NLGN1: variants seen among roughly 807,000 people sequenced by gnomAD.
NLGN1 encodes the protein neuroligin-1.
Under a neutral mutation model 65.5 loss-of-function variants are expected in NLGN1, and 12 were observed. The ratio of observed to expected loss-of-function variants is 0.18; its 90% CI spans 0.12 to 0.30. The LOEUF (loss-of-function observed/expected upper bound fraction) is 0.30. NLGN1 is among the 10% of genes least tolerant of loss of function. NLGN1 has a pLI of 1.00. For missense variants in NLGN1, 750 were observed against 1,007.1 expected (o/e 0.74, Z 3.46); for synonymous variants, 350 against 359.5 (o/e 0.97, Z 0.30).
chr3:173,570,972 G>A (rs1336516021), intron 2 of NLGN1, among the ~76,000 whole-genome samples: 2 of 152,132 alleles, frequency 1.3e-5, no homozygotes, highest in African/African-American at 4.8e-5. Context: ...AAAGTGCTGG[G>A]ATTACAGGCC....
intron 3 of NLGN1, among the ~76,000 whole-genome samples, chr3:173,679,701 T>C (rs1763688464): frequency 6.6e-6 from 1 of 152,142 alleles, no homozygotes; most frequent in Admixed American, 6.5e-5. Context: ...AAAGACTTTT[T>C]CAAGAGTGAG....
intron 3 of NLGN1, among the ~76,000 whole-genome samples, chr3:173,788,313 T>G (rs960388103): frequency 6.6e-6 from 1 of 151,046 alleles, no homozygotes; most frequent in African/African-American, 2.4e-5. Context: ...GGATAAAAAA[T>G]TTATTAAATA....
chr3:174,270,123 T>C (rs1409771781), intron 4 of NLGN1, among the ~76,000 whole-genome samples: 1 of 95,334 alleles, frequency 1.0e-5, no homozygotes, highest in African/African-American at 4.6e-5. Context: ...TTGGTTTCCT[T>C]TCTTTTTTTT....
chr3:173,616,969 T>C lies in NLGN1; in HGVS notation c.493+11878T>C, dbSNP rs550088072. Among the ~76,000 whole-genome samples, 7 of 152,312 alleles carry C rather than the reference T, an allele frequency of 4.6e-5. No individual in the cohort carries two copies. The South Asian group carries it at 1.4e-3, about 32-fold the overall frequency. ...TACGTAGTAACTCTTGTCTGCCGTTTCAATCTCCTTCTGTATATTTCTCCC... is the reference window on the plus strand; with the variant it reads ...TACGTAGTAACTCTTGTCTGCCGTTCCAATCTCCTTCTGTATATTTCTCCC... On this transcript the variant is annotated intron_variant, in intron 3 of 6. Coordinates refer to ENST00000457714, the Ensembl canonical transcript of NLGN1.
At position 174,281,030 on chromosome 3, in the gene NLGN1, C is replaced by G. The variant is rs780653081; in HGVS notation, c.2199C>G (p.Leu733=). The G allele has an allele frequency of 3.1e-6, 5 of 1,613,338 alleles. No homozygotes were observed. In the East Asian group the frequency reaches 1.1e-4, roughly 36 times the overall value. ...CACAAGAAGAGGAAATCATGTCCCT[C>G]CAAATGAAGCACACTGATTTGGATC... The change falls in exon 7 of 7, where the codon CTC becomes CTG. Residue 733 remains leucine (L), a synonymous_variant. Coordinates refer to ENST00000457714, the Ensembl canonical transcript of NLGN1.
intron 1 of NLGN1, among the ~76,000 whole-genome samples, chr3:173,405,771 C>T (rs1436149153): frequency 2.0e-5 from 3 of 152,038 alleles, no homozygotes; most frequent in African/African-American, 7.2e-5. Flanking sequence ...GTCTGGGGAG[C>T]AGACTCTTCT....
chr3:173,719,005 T>C (rs1232385577), intron 3 of NLGN1, among the ~76,000 whole-genome samples: 1 of 152,202 alleles, frequency 6.6e-6, no homozygotes, highest in Non-Finnish European at 1.5e-5. Context: ...GCCATTTTCC[T>C]TGCCCCCAAA....
chr3:174,281,164 C>G, exon 7 of NLGN1: 3 of 1,613,198 alleles, frequency 1.9e-6, no homozygotes, highest in Non-Finnish European at 2.5e-6. Flanking sequence ...TTAATGACAC[C>G]CAACACCATT....
chr3:174,219,462 A>G (rs1738238841), intron 4 of NLGN1, among the ~76,000 whole-genome samples: 1 of 152,140 alleles, frequency 6.6e-6, no homozygotes, highest in East Asian at 1.9e-4. Context: ...GTTGCTTGCT[A>G]AGGCAGATTA....
At chr3:173,874,803 G>A (rs1731817545) in intron 4 of NLGN1, among the ~76,000 whole-genome samples, 1 of 152,254 alleles carries the variant, frequency 6.6e-6, no homozygotes. Context: ...AATTTGCACA[G>A]ATCTATTCTA....
At chr3:173,965,565 G>A (rs988953998) in intron 4 of NLGN1, among the ~76,000 whole-genome samples, 9 of 147,420 alleles carry the variant, frequency 6.1e-5, no homozygotes, top group Admixed American at 2.7e-4. Context: ...TGATCCACCC[G>A]CCTCAGCTTC....
At chr3:173,793,573 G>T (rs1713284883) in intron 3 of NLGN1, among the ~76,000 whole-genome samples, 1 of 152,074 alleles carries the variant, frequency 6.6e-6, no homozygotes, top group African/African-American at 2.4e-5. Context: ...CAGGCAAAGT[G>T]AATTTAACTT....
At chr3:173,887,543 A>G (rs556917782) in intron 4 of NLGN1, among the ~76,000 whole-genome samples, 4 of 152,104 alleles carry the variant, frequency 2.6e-5, no homozygotes, top group South Asian at 4.1e-4. Context: ...AAAATTTTGA[A>G]AACTTTAAGT....
chr3:174,120,687 G>A (rs1000999896), intron 4 of NLGN1, among the ~76,000 whole-genome samples: 1 of 152,128 alleles, frequency 6.6e-6, no homozygotes, highest in Non-Finnish European at 1.5e-5. Flanking sequence ...AACAAGATAT[G>A]ACGTGGTCAT....
At chr3:173,832,058 C>T (rs1458501289) in intron 4 of NLGN1, among the ~76,000 whole-genome samples, 2 of 151,604 alleles carry the variant, frequency 1.3e-5, no homozygotes, top group South Asian at 2.1e-4. Context: ...CCCAGGCTTA[C>T]GCGATCTTTC....
intron 3 of NLGN1, among the ~76,000 whole-genome samples, chr3:173,671,869 A>G (rs1762494557): frequency 6.6e-6 from 1 of 152,176 alleles, no homozygotes; most frequent in Non-Finnish European, 1.5e-5. Context: ...TGCTCATAAG[A>G]ATTCAAATAA....
chr3:173,677,873 A>G (rs1432196394), intron 3 of NLGN1, among the ~76,000 whole-genome samples: 1 of 152,142 alleles, frequency 6.6e-6, no homozygotes, highest in Admixed American at 6.6e-5. Context: ...AAAGTCTTAC[A>G]GCCAAACTAA....
chr3:174,194,919 T>G (rs1733134381), intron 4 of NLGN1, among the ~76,000 whole-genome samples: 1 of 144,426 alleles, frequency 6.9e-6, no homozygotes, highest in Non-Finnish European at 1.5e-5. Context: ...TGGAGTGCAA[T>G]GGCACGATCT....
At chr3:173,735,005 ATTAAAC>A (rs1381941260) in intron 3 of NLGN1, among the ~76,000 whole-genome samples, 1 of 152,118 alleles carries the variant, frequency 6.6e-6, no homozygotes. Flanking sequence ...TCCTTTAAGA[ATTAAAC>A]TTAATGCAGT....
Sources: allele counts gnomAD v4.1 joint callset (sites outside exome capture counted in the v4.1 genomes callset), GRCh38; gene constraint gnomAD v4.1.1; transcripts MANE v1.5; gene names NCBI Gene and HGNC (gene_info 2026-07-23, HGNC 2026-07-21).